SIPA1L1: variants seen among roughly 807,000 people sequenced by gnomAD.
SIPA1L1 encodes the protein signal-induced proliferation-associated 1-like protein 1.
A neutral mutation model predicts 162.7 loss-of-function variants in SIPA1L1; 26 were observed. The observed-to-expected ratio is 0.16, with a 90% CI of 0.12 to 0.22. SIPA1L1 has a LOEUF of 0.22. SIPA1L1 is among the 10% of genes least tolerant of loss of function. The pLI is 1.00. For missense variants in SIPA1L1, 1,874 were observed against 2,241.0 expected (o/e 0.84, Z 3.31); for synonymous variants, 829 against 837.4 (o/e 0.99, Z 0.17).
intron 4 of SIPA1L1, among the ~76,000 whole-genome samples, chr14:71,559,233 A>G (rs548656589): frequency 6.6e-6 from 1 of 151,810 alleles, no homozygotes; most frequent in Admixed American, 6.6e-5. Context: ...AGACCCAGCT[A>G]ATTTTTGTAT....
rs2047411996 is a variant in SIPA1L1 at position 71,471,021 on chromosome 14, T to A, written c.-464-41722T>A. 2.0e-5 allele frequency among the ~76,000 whole-genome samples: 3 copies of A among 152,104 alleles called. No homozygotes were observed. The South Asian group carries it at 6.2e-4, about 32-fold the overall frequency. ...CCCAGCAAATTTTTTGTATTTTTTTTAATAGAGACGGGTTTTCACTGTATT... is the reference window on the plus strand; with the variant it reads ...CCCAGCAAATTTTTTGTATTTTTTTAAATAGAGACGGGTTTTCACTGTATT... On this transcript the variant is annotated intron_variant, in intron 2 of 23. Transcript: ENST00000381232.
intron 2 of SIPA1L1, among the ~76,000 whole-genome samples, chr14:71,374,694 G>GTTTTTTTTTTTTTTT (rs35302982): frequency 7.2e-6 from 1 of 139,202 alleles, no homozygotes. Flanking sequence ...CGTTTTGAAA[G>GTTTTTTTTTTTTTTT]TTTTTTTTTT....
At chr14:71,332,439 T>C (rs2034652344) in intron 2 of SIPA1L1, among the ~76,000 whole-genome samples, 1 of 152,160 alleles carries the variant, frequency 6.6e-6, no homozygotes, top group South Asian at 2.1e-4. Context: ...GGTCCTATAT[T>C]AAATATTATT....
In SIPA1L1 at chr14:71,587,656, T is replaced by C. The variant is rs995380426; in HGVS notation, c.-217T>C. On this transcript the variant is annotated 5_prime_UTR_variant, in exon 5 of 24. An upstream open reading frame in the 5' UTR loses its in-frame stop. Transcript: ENST00000381232. ...TCTGAAAGAAAGCCCTCTGTTAAAG[T>C]GAAGCAAAGAAACTGTTGTGGATTA... The C allele has an allele frequency of 3.3e-5, 16 of 488,746 alleles. No homozygotes were observed. Among genetic ancestry groups the C allele is most frequent in the Non-Finnish European group, 5.4e-5 (15 of 279,740 alleles). The allele number at this position is 488,746 out of a possible 1,614,324, so 30.3% of individuals were successfully genotyped here.
chr14:71,721,082 CCTT>C (rs1221806901), intron 17 of SIPA1L1, among the ~76,000 whole-genome samples: 2 of 152,156 alleles, frequency 1.3e-5, no homozygotes, highest in Non-Finnish European at 2.9e-5. Context: ...TTGTACCCGT[CCTT>C]CTGGAAAAGG....
intron 7 of SIPA1L1, among the ~76,000 whole-genome samples, chr14:71,632,192 T>C (rs891784018): frequency 4.6e-5 from 7 of 152,138 alleles, no homozygotes; most frequent in African/African-American, 1.7e-4. Flanking sequence ...AAAATGAATC[T>C]GAAAGGTGGA....
At chr14:71,539,961 G>A (rs749488921) in intron 4 of SIPA1L1, among the ~76,000 whole-genome samples, 2 of 152,220 alleles carry the variant, frequency 1.3e-5, no homozygotes, top group East Asian at 3.8e-4. Context: ...CATTATCTGA[G>A]CAGGCGCCTC....
At chr14:71,389,337 T>TAG in intron 2 of SIPA1L1, among the ~76,000 whole-genome samples, 1 of 152,318 alleles carries the variant, frequency 6.6e-6, no homozygotes, top group Middle Eastern at 3.4e-3. Flanking sequence ...GGGTAATAGA[T>TAG]TTAACTAACT....
rs1456330755 is a variant in SIPA1L1, at chr14:71,588,088, A to C, written c.216A>C (p.Pro72=). ...ATATAACCTCAACCCCCGGAGTCCC[A>C]AAAATGGGGGTAAGGGCAAGGATTG... ...SHHITSTPGV[P]KMGVRARIAD... Residue 72 remains proline, a synonymous_variant, in exon 5 of 24, where the codon CCA becomes CCC. Coordinates refer to ENST00000381232, the MANE Select transcript of SIPA1L1 (RefSeq NM_001386936.1). This position sits in a 1 kb window ranked among gnomAD's most constrained non-coding sequence, Gnocchi z 4.3. 6.2e-7 allele frequency: 1 copy of C among 1,614,082 alleles called. No individual in the cohort carries two copies. Among genetic ancestry groups the C allele is most frequent in the African/African-American group, 1.3e-5 (1 of 74,948 alleles).
intron 4 of SIPA1L1, among the ~76,000 whole-genome samples, chr14:71,534,847 G>A (rs1482092861): frequency 3.3e-5 from 5 of 152,130 alleles, no homozygotes; most frequent in African/African-American, 1.2e-4. Flanking sequence ...AAAGATTTAG[G>A]CCAAGATCCT....
At chr14:71,363,326 A>G (rs1477569619) in intron 2 of SIPA1L1, among the ~76,000 whole-genome samples, 1 of 152,240 alleles carries the variant, frequency 6.6e-6, no homozygotes, top group East Asian at 1.9e-4. Context: ...GCTTGTATTT[A>G]GAAATGAGTT....
intron 4 of SIPA1L1, among the ~76,000 whole-genome samples, chr14:71,570,696 A>G (rs2031809389): frequency 6.6e-6 from 1 of 152,244 alleles, no homozygotes; most frequent in Non-Finnish European, 1.5e-5. Context: ...TGGGGAATAT[A>G]AGATACTGAA....
At chr14:71,617,858 TCC>T (rs2039005794) in intron 5 of SIPA1L1, among the ~76,000 whole-genome samples, 1 of 152,204 alleles carries the variant, frequency 6.6e-6, no homozygotes, top group Non-Finnish European at 1.5e-5. Flanking sequence ...AATTATCTGT[TCC>T]AGTTTTTCAT....
At chr14:71,500,855 A>G (rs1595785235) in intron 2 of SIPA1L1, among the ~76,000 whole-genome samples, 2 of 152,062 alleles carry the variant, frequency 1.3e-5, no homozygotes, top group East Asian at 3.9e-4. Flanking sequence ...AAAAATACAA[A>G]ATTAGCTGGG....
Position 71,443,638 on chromosome 14 carries a change from T to C in SIPA1L1, c.-464-69105T>C, listed in dbSNP as rs2045102960. Reference sequence around the variant, plus strand: ...AATAATCTCTGCCTTGATGGAATTATTTTTCATGATGGTAATGAGCTTGTG... The same window carrying C: ...AATAATCTCTGCCTTGATGGAATTACTTTTCATGATGGTAATGAGCTTGTG... On this transcript the variant is annotated intron_variant, in intron 2 of 23. Transcript: ENST00000381232. 2.0e-5 allele frequency among the ~76,000 whole-genome samples: 3 copies of C among 152,198 alleles called. No homozygotes were observed. In the South Asian group the frequency reaches 6.2e-4, roughly 31 times the overall value.
intron 2 of SIPA1L1, among the ~76,000 whole-genome samples, chr14:71,487,445 G>A (rs562662620): frequency 2.7e-4 from 41 of 152,186 alleles, no homozygotes; most frequent in Non-Finnish European, 5.7e-4. Context: ...TTTTCACATT[G>A]CATTGCAGTA....
chr14:71,611,056 T>C (rs2038150045), intron 5 of SIPA1L1, among the ~76,000 whole-genome samples: 1 of 152,224 alleles, frequency 6.6e-6, no homozygotes, highest in Non-Finnish European at 1.5e-5. Context: ...CTTTTGATTA[T>C]GGTGCGAAGT....
intron 2 of SIPA1L1, among the ~76,000 whole-genome samples, chr14:71,461,162 A>G (rs1595578621): frequency 6.6e-6 from 1 of 152,062 alleles, no homozygotes; most frequent in Admixed American, 6.5e-5. Context: ...GTGAGGATGA[A>G]CCTCTGCCCT....
At chr14:71,454,810 CAT>C (rs1427060419) in intron 2 of SIPA1L1, among the ~76,000 whole-genome samples, 6 of 152,192 alleles carry the variant, frequency 3.9e-5, no homozygotes, top group African/African-American at 1.4e-4. Context: ...ATAAAGCACA[CAT>C]GAGATGGGCC....
Sources: allele counts gnomAD v4.1 joint callset (sites outside exome capture counted in the v4.1 genomes callset), GRCh38; gene constraint gnomAD v4.1.1; non-coding constraint Gnocchi (gnomAD v3.1); transcripts MANE v1.5; gene names NCBI Gene and HGNC (gene_info 2026-07-23, HGNC 2026-07-21).